The following ZNF440 variants were observed in gnomAD, a reference collection of about 807,000 sequenced individuals.
The protein encoded by ZNF440 is zinc finger protein 440.
Under a neutral mutation model 49.7 loss-of-function variants are expected in ZNF440, and 47 were observed. The ratio of observed to expected loss-of-function variants is 0.95; its 90% CI spans 0.75 to 1.21. The LOEUF is 1.21. Among genes scored for constraint, ZNF440 ranks in the 50% most tolerant of loss-of-function variants. ZNF440 has a pLI of 0.00. For synonymous variants in ZNF440, 255 were observed against 237.7 expected (o/e 1.07, Z -0.67); for missense variants, 703 against 715.0 (o/e 0.98, Z 0.19).
intron 1 of ZNF440, among the ~76,000 whole-genome samples, chr19:11,825,731 C>G (rs1349158653): frequency 1.3e-5 from 2 of 151,718 alleles, no homozygotes; most frequent in East Asian, 3.9e-4. Context: ...ATCCTCCCGC[C>G]TCAGCTTCCC....
rs540329696 is a variant in ZNF440, at chr19:11,826,611, C to G, written c.4-3672C>G. Among the ~76,000 whole-genome samples the G allele has an allele frequency of 3.3e-5, 5 of 152,054 alleles. No individual in the cohort carries two copies. In the South Asian group the frequency reaches 6.2e-4, roughly 19 times the overall value. The stretch of plus-strand genomic sequence containing the variant: ...AGTGTTTTGGATTTTAGCTACTCCA[C>G]CAGGTATTTGCTGGTGCTTCATTGT... On this transcript the variant is annotated intron_variant, in intron 1 of 3. Transcript: ENST00000304060.
intron 1 of ZNF440, among the ~76,000 whole-genome samples, chr19:11,818,097 C>T (rs1050005035): frequency 2.0e-5 from 3 of 151,880 alleles, no homozygotes; most frequent in African/African-American, 4.8e-5. Context: ...CCCAGCTACT[C>T]GGGAGGCTGA....
chr19:11,820,544 G>A (rs1975787082), intron 1 of ZNF440, among the ~76,000 whole-genome samples: 1 of 152,080 alleles, frequency 6.6e-6, no homozygotes, highest in African/African-American at 2.4e-5. Flanking sequence ...GTCTTTTCCA[G>A]GTTTCGGGTT....
At chr19:11,829,750 A>G (rs1161105525) in intron 1 of ZNF440, among the ~76,000 whole-genome samples, 2 of 151,650 alleles carry the variant, frequency 1.3e-5, no homozygotes, top group Non-Finnish European at 2.9e-5. Context: ...TGAGAATTGC[A>G]TGAACCCAGG....
chr19:11,814,280 G>A lies in ZNF440; in HGVS notation c.-168G>A. On this transcript the variant is annotated 5_prime_UTR_variant, in exon 1 of 4. Coordinates refer to ENST00000304060, the MANE Select transcript of ZNF440 (RefSeq NM_152357.3). The stretch of plus-strand genomic sequence containing the variant: ...AAGGGGGAAGGGACAGTCGCCCTCC[G>A]TCCATTCCTTTAGTGCTGCGCCGAC... The A allele has an allele frequency of 1.6e-6, 1 of 624,188 alleles. No individual in the cohort carries two copies. The highest frequency in any genetic ancestry group is 3.4e-5 in the South Asian group (1 of 29,714). The allele number at this position is 624,188 out of a possible 1,614,324, so 38.7% of individuals were successfully genotyped here.
chr19:11,830,478 G>T (rs755013403), intron 2 of ZNF440, 69 bp downstream of exon 2: 19 of 1,606,866 alleles, frequency 1.2e-5, no homozygotes, highest in Admixed American at 1.7e-5. Flanking sequence ...TAATGCTGTT[G>T]AGTGATTTAG....
At chr19:11,828,334 G>A (rs432939) in intron 1 of ZNF440, among the ~76,000 whole-genome samples, 57,592 of 151,656 alleles carry the variant, frequency 0.38, 11,346 homozygotes, top group African/African-American at 0.46. Flanking sequence ...GGGACTACAT[G>A]TGCCACCACG....
chr19:11,833,544 A>G lies in ZNF440; in HGVS notation c.*580A>G, dbSNP rs1372731941. The G allele has an allele frequency of 7.5e-6, 2 of 267,400 alleles. No homozygotes were observed. The highest frequency in any genetic ancestry group is 5.3e-5 in the Admixed American group (1 of 18,818). 16.6% of individuals were successfully genotyped at this position (267,400 alleles called of 1,614,324 possible). On this transcript the variant is annotated 3_prime_UTR_variant, in exon 4 of 4. Coordinates refer to ENST00000304060, the MANE Select transcript of ZNF440 (RefSeq NM_152357.3). Reference sequence around the variant, plus strand: ...ACTTCTTCCAGTTCTTTTCAATATCATGAAAGAACACACTAGGGAGAAACC... The same window carrying G: ...ACTTCTTCCAGTTCTTTTCAATATCGTGAAAGAACACACTAGGGAGAAACC...
chr19:11,828,325 G>A (rs2145127778), intron 1 of ZNF440, among the ~76,000 whole-genome samples: 1 of 150,984 alleles, frequency 6.6e-6, no homozygotes, highest in East Asian at 2.0e-4. Context: ...CAAGTGACTG[G>A]GACTACATGT....
chr19:11,830,163 C>T, intron 1 of ZNF440, 120 bp from the exon 2 acceptor site: 13 of 1,524,902 alleles, frequency 8.5e-6, no homozygotes, highest in Non-Finnish European at 9.7e-6. Flanking sequence ...GATCTGATGA[C>T]CAAAGCAGGG....
Position 11,831,515 on chromosome 19 carries a change from A to C in ZNF440, c.339A>C (p.Glu113Asp). ...CATGTGAAAGCTTTGTGTGTGGAGA[A>C]GTTGGCCTAGGTAACTCATCTTTTA... ...VKSCESFVCGEVGLGNSSFNM... is the reference protein window; with the variant it reads ...VKSCESFVCGDVGLGNSSFNM... Residue 113 changes from glutamate (E) to aspartate (D), a missense_variant, in exon 4 of 4, where the codon GAA becomes GAC. By Grantham distance (45) the Glu-to-Asp change is conservative (BLOSUM62 2). Transcript: ENST00000304060. 1 of 1,614,084 alleles carries C rather than the reference A, an allele frequency of 6.2e-7. No homozygotes were observed. The highest frequency in any genetic ancestry group is 8.5e-7 in the Non-Finnish European group (1 of 1,179,964).
rs751593725 is a variant in ZNF440, at chr19:11,831,960, G to C, written c.784G>C (p.Gly262Arg). The C allele has an allele frequency of 1.4e-5, 23 of 1,613,790 alleles. No individual in the cohort carries two copies. The highest frequency in any genetic ancestry group is 5.0e-5 in the Admixed American group (3 of 59,986). ...AAAGCCTTATGAATATCAGGAGTGT[G>C]GGAAAGCATTTCATAGTCCCAGATC... ...GEKPYEYQEC[G>R]KAFHSPRSYR... The change falls in exon 4 of 4, where the codon GGG (glycine) becomes CGG (arginine). Residue 262 changes from glycine (G) to arginine (R), a missense_variant. Gly to Arg is a moderately radical substitution (Grantham distance 125). Coordinates refer to ENST00000304060, the MANE Select transcript of ZNF440 (RefSeq NM_152357.3).
rs541635680 is a variant in ZNF440 at position 11,824,951 on chromosome 19, C to G, written c.4-5332C>G. On this transcript the variant is annotated intron_variant, in intron 1 of 3. Coordinates refer to ENST00000304060, the MANE Select transcript of ZNF440 (RefSeq NM_152357.3). Reference sequence around the variant, plus strand: ...CTCAAACTCCTGACCTTGTGATTCGCCCACCTCAGCCTCCCAAAGTGCTGG... The same window carrying G: ...CTCAAACTCCTGACCTTGTGATTCGGCCACCTCAGCCTCCCAAAGTGCTGG... Among the ~76,000 whole-genome samples, 103 of 152,044 alleles carry G rather than the reference C, an allele frequency of 6.8e-4. 1 individual carries two copies. The East Asian group carries it at 0.019, about 29-fold the overall frequency.
At chr19:11,824,091 A>G (rs1296121644) in intron 1 of ZNF440, among the ~76,000 whole-genome samples, 1 of 151,508 alleles carries the variant, frequency 6.6e-6, no homozygotes, top group Non-Finnish European at 1.5e-5. Flanking sequence ...GCTGAGGTAG[A>G]AGGATCTGTT....
intron 1 of ZNF440, among the ~76,000 whole-genome samples, chr19:11,820,497 C>T (rs139686414): frequency 3.9e-5 from 6 of 152,050 alleles, no homozygotes; most frequent in African/African-American, 1.2e-4. Flanking sequence ...GGATTACAGG[C>T]GTAATCCGGC....
Position 11,834,125 on chromosome 19 carries a change from C to T in ZNF440, c.*1161C>T, listed in dbSNP as rs1382702528. ...CATTTTTATCTCAACCTTAATTTTT[C>T]TTTCTTTTTTTTTTTCCCCCAGAAA... On this transcript the variant is annotated 3_prime_UTR_variant, in exon 4 of 4. Coordinates refer to ENST00000304060, the MANE Select transcript of ZNF440 (RefSeq NM_152357.3). 1.7e-5 allele frequency: 5 copies of T among 292,498 alleles called. No individual in the cohort carries two copies. Among genetic ancestry groups the T allele is most frequent in the Non-Finnish European group, 3.3e-5 (5 of 150,686 alleles). The allele number at this position is 292,498 out of a possible 1,614,324, so 18.1% of individuals were successfully genotyped here.
At chr19:11,821,836 G>A (rs10417822) in intron 1 of ZNF440, among the ~76,000 whole-genome samples, 3,080 of 152,308 alleles carry the variant, frequency 0.02, 87 homozygotes, top group East Asian at 0.099. Flanking sequence ...GAATGATTGC[G>A]TAGGTCAGTG....
At chr19:11,818,220 C>T (rs139641170) in intron 1 of ZNF440, among the ~76,000 whole-genome samples, 8 of 151,920 alleles carry the variant, frequency 5.3e-5, no homozygotes, top group African/African-American at 1.2e-4. Flanking sequence ...AAAACCAAAA[C>T]GAAACAAACA....
chr19:11,814,342 A>G lies in ZNF440; in HGVS notation c.-106A>G. 1.5e-6 allele frequency: 2 copies of G among 1,317,488 alleles called. No individual in the cohort carries two copies. Among genetic ancestry groups the G allele is most frequent in the Non-Finnish European group, 1.0e-6 (1 of 986,728 alleles). The allele number at this position is 1,317,488 out of a possible 1,614,324, so 81.6% of individuals were successfully genotyped here. A position where few individuals can be genotyped will look rare whatever the true frequency, so the allele number is the denominator to read the frequency against. ...TCTCGGCTTTCTTGCTTCGAGAGGG[A>G]CTAGGTGCCTCCACCAGAGCTTCTG... On this transcript the variant is annotated 5_prime_UTR_variant, in exon 1 of 4. Transcript: ENST00000304060.
Sources: gnomAD v4.1 joint callset for allele counts (sites outside exome capture counted in the v4.1 genomes callset) on GRCh38, gnomAD v4.1.1 for gene constraint, MANE v1.5 for transcripts, NCBI Gene and HGNC (gene_info 2026-07-23, HGNC 2026-07-21) for gene names.